Variants in ASCC3 observed in about 807,000 individuals in gnomAD.
ASCC3 encodes ASC-1 complex subunit P200.
Under a neutral mutation model 256.3 loss-of-function variants are expected in ASCC3, and 158 were observed. The observed-to-expected ratio is 0.62, with a 90% CI of 0.54 to 0.70. The LOEUF is 0.70. Ranked by LOEUF, ASCC3 falls within the 30% of genes least tolerant of loss-of-function variation. The probability of loss-of-function intolerance (pLI) is 0.00; values close to 1 mark genes in which losing one functional copy is unlikely to be tolerated. For synonymous variants in ASCC3, 948 were observed against 883.4 expected (o/e 1.07, Z -1.30); for missense variants, 2,259 against 2,626.0 (o/e 0.86, Z 3.05).
chr6:100,661,158 A>T (rs1040727770), intron 16 of ASCC3, among the ~76,000 whole-genome samples: 1 of 151,774 alleles, frequency 6.6e-6, no homozygotes, highest in African/African-American at 2.4e-5. Context: ...CTGAACTAGC[A>T]AAGTGTTGAA....
chr6:100,703,732 G>A (rs868532472), intron 13 of ASCC3, among the ~76,000 whole-genome samples: 14 of 151,602 alleles, frequency 9.2e-5, no homozygotes, highest in African/African-American at 3.4e-4. Context: ...CTGGCATTTG[G>A]CCCATATAGG....
At chr6:100,726,747 A>G (rs1489681443) in intron 10 of ASCC3, among the ~76,000 whole-genome samples, 1 of 152,064 alleles carries the variant, frequency 6.6e-6, no homozygotes, top group African/African-American at 2.4e-5. Flanking sequence ...CTAGAAAATA[A>G]AGTGTCACAT....
chr6:100,647,985 T>C (rs975203958), intron 20 of ASCC3, among the ~76,000 whole-genome samples: 6 of 152,140 alleles, frequency 3.9e-5, no homozygotes, highest in Non-Finnish European at 8.8e-5. Flanking sequence ...TTAACTTGCT[T>C]TACATATATT....
intron 38 of ASCC3, among the ~76,000 whole-genome samples, chr6:100,517,204 T>C (rs1774075468): frequency 1.3e-5 from 2 of 152,086 alleles, no homozygotes; most frequent in African/African-American, 4.8e-5. Context: ...CTGAGGAGAC[T>C]TGCTGTGTGC....
At chr6:100,593,765 C>T (rs1343819861) in intron 34 of ASCC3, among the ~76,000 whole-genome samples, 1 of 151,952 alleles carries the variant, frequency 6.6e-6, no homozygotes, top group Non-Finnish European at 1.5e-5. Context: ...AAAGTGGTTG[C>T]AGGAACAGCT....
rs558311857 is a variant in ASCC3, at chr6:100,528,002, A to AT, written c.5776-9861dup. Among the ~76,000 whole-genome samples, 578 of 143,292 alleles carry AT rather than the reference A, an allele frequency of 4.0e-3. 12 individuals are homozygous for AT. In the East Asian group the frequency reaches 0.048, roughly 12 times the overall value. 94.0% of individuals were successfully genotyped at this position (143,292 alleles called of 152,430 possible). On this transcript the variant is annotated intron_variant, in intron 37 of 41. Transcript: ENST00000369162. ...AGGTGAGTGCCACCATGCCCAGCTA[A>AT]TTTTTTTTTTTTTGGTAGATATGGG...
In ASCC3 at chr6:100,709,543, G is replaced by C. The variant is rs148404450; in HGVS notation, c.2151+5919C>G. Among the ~76,000 whole-genome samples, 19 of 152,264 alleles carry C rather than the reference G, an allele frequency of 1.2e-4. No individual in the cohort carries two copies. In the East Asian group the frequency reaches 3.7e-3, roughly 29 times the overall value. On this transcript the variant is annotated intron_variant, in intron 13 of 41. Coordinates refer to ENST00000369162, the MANE Select transcript of ASCC3 (RefSeq NM_006828.4). The stretch of plus-strand genomic sequence containing the variant: ...GAGAAATAATCATGTTATGTCAGAG[G>C]ACTGGGAAGGTTAAAAGTCCAAAGA...
chr6:100,808,882 A>G (rs1031890396), intron 4 of ASCC3, among the ~76,000 whole-genome samples: 2 of 151,886 alleles, frequency 1.3e-5, no homozygotes, highest in Non-Finnish European at 2.9e-5. Flanking sequence ...CCTGTACACC[A>G]TGCTACTATA....
intron 36 of ASCC3, among the ~76,000 whole-genome samples, chr6:100,583,782 G>T (rs564081933): frequency 2.6e-5 from 4 of 152,114 alleles, no homozygotes; most frequent in Non-Finnish European, 4.4e-5. Flanking sequence ...ATTCTGGTAT[G>T]TGTGTCTTTG....
intron 11 of ASCC3, among the ~76,000 whole-genome samples, chr6:100,723,714 C>T (rs1262279793): frequency 2.7e-5 from 4 of 150,064 alleles, no homozygotes; most frequent in East Asian, 2.0e-4. Context: ...GTTTTGGCTT[C>T]GGAATCAAGT....
At chr6:100,813,315 G>T (rs1183597516) in intron 4 of ASCC3, among the ~76,000 whole-genome samples, 1 of 152,008 alleles carries the variant, frequency 6.6e-6, no homozygotes, top group East Asian at 1.9e-4. Flanking sequence ...AAATTTAGCT[G>T]GGCTTGGTGG....
At chr6:100,647,507 C>A in intron 20 of ASCC3, 56 bp from the exon 21 acceptor site, 1 of 1,455,808 alleles carries the variant, frequency 6.9e-7, no homozygotes, top group South Asian at 1.2e-5. Flanking sequence ...TTAAATTTGT[C>A]AATAAATCTA....
intron 14 of ASCC3, among the ~76,000 whole-genome samples, chr6:100,665,715 G>T (rs750278319): frequency 6.6e-6 from 1 of 150,828 alleles, no homozygotes; most frequent in Admixed American, 6.6e-5. Context: ...ACTCCAGCCT[G>T]GGCGACAGAG....
chr6:100,639,335 T>C (rs966087739), intron 24 of ASCC3, among the ~76,000 whole-genome samples: 17 of 152,188 alleles, frequency 1.1e-4, no homozygotes, highest in African/African-American at 4.1e-4. Flanking sequence ...AAGCAAAGCA[T>C]GACTGAGTAA....
intron 8 of ASCC3, among the ~76,000 whole-genome samples, chr6:100,768,464 A>G (rs1310896426): frequency 6.6e-6 from 1 of 152,234 alleles, no homozygotes; most frequent in Non-Finnish European, 1.5e-5. Flanking sequence ...TTTTGAAGCC[A>G]AGAATATTAC....
At chr6:100,699,247 T>C (rs575215555) in intron 13 of ASCC3, among the ~76,000 whole-genome samples, 1 of 152,228 alleles carries the variant, frequency 6.6e-6, no homozygotes, top group Non-Finnish European at 1.5e-5. Flanking sequence ...TGGGAGGTAA[T>C]TGAATCATGG....
chr6:100,760,739 A>T (rs1458142449), intron 10 of ASCC3, among the ~76,000 whole-genome samples: 2 of 152,224 alleles, frequency 1.3e-5, no homozygotes, highest in East Asian at 1.9e-4. Flanking sequence ...AAAATAAAGA[A>T]TCAGTGGCGT....
chr6:100,690,553 C>G (rs1777795026), intron 13 of ASCC3, among the ~76,000 whole-genome samples: 1 of 152,078 alleles, frequency 6.6e-6, no homozygotes, highest in Non-Finnish European at 1.5e-5. Context: ...TCGCATTTAA[C>G]AACCAGCACT....
chr6:100,725,719 C>A lies in ASCC3; in HGVS notation c.1738-16G>T. On this transcript the variant is annotated splice_polypyrimidine_tract_variant and intron_variant, in intron 10 of 41. Transcript: ENST00000369162. Reference sequence around the variant, plus strand: ...TCACAAGCATCTATAAGAGAAGACACATTTTAAAAGGGGAAAGTTACATAG... The same window carrying A: ...TCACAAGCATCTATAAGAGAAGACAAATTTTAAAAGGGGAAAGTTACATAG... 1 of 1,611,766 alleles carries A rather than the reference C, an allele frequency of 6.2e-7. No homozygotes were observed.
Sources: allele counts gnomAD v4.1 joint callset (sites outside exome capture counted in the v4.1 genomes callset), GRCh38; gene constraint gnomAD v4.1.1; transcripts MANE v1.5; gene names NCBI Gene and HGNC (gene_info 2026-07-23, HGNC 2026-07-21).